ARHGAP39: variants seen among roughly 807,000 people sequenced by gnomAD.
ARHGAP39 encodes the protein Rho GTPase activating protein 39.
In ARHGAP39, 44 loss-of-function variants were observed where a neutral mutation model predicts 106.9. That is an observed-to-expected ratio of 0.41 (90% CI 0.32 to 0.53). The LOEUF (loss-of-function observed/expected upper bound fraction) is 0.53, where lower values mean the gene tolerates loss of function less well. Ranked by LOEUF, ARHGAP39 falls within the 20% of genes least tolerant of loss-of-function variation. The probability of loss-of-function intolerance (pLI) is 0.21; values close to 1 mark genes in which losing one functional copy is unlikely to be tolerated. For missense variants in ARHGAP39, 1,496 were observed against 1,577.3 expected (o/e 0.95, Z 0.87); for synonymous variants, 768 against 693.2 (o/e 1.11, Z -1.69).
intron 4 of ARHGAP39, among the ~76,000 whole-genome samples, chr8:144,550,473 T>C (rs1043670886): frequency 5.9e-5 from 9 of 152,158 alleles, no homozygotes; most frequent in African/African-American, 2.2e-4. Context: ...ACCCCACACA[T>C]TTTATAAGCC....
intron 1 of ARHGAP39, among the ~76,000 whole-genome samples, chr8:144,651,910 C>G (rs940118830): frequency 6.6e-6 from 1 of 151,906 alleles, no homozygotes; most frequent in Non-Finnish European, 1.5e-5. Flanking sequence ...ACACCATATA[C>G]AAAAATCAAC....
intron 3 of ARHGAP39, among the ~76,000 whole-genome samples, chr8:144,563,125 T>C (rs183866019): frequency 1.1e-4 from 16 of 152,340 alleles, no homozygotes; most frequent in Admixed American, 6.5e-4. Context: ...TAAGAATATA[T>C]GTGGATCAGA....
intron 1 of ARHGAP39, among the ~76,000 whole-genome samples, chr8:144,609,309 T>G (rs1319516426): frequency 6.6e-6 from 1 of 151,988 alleles, no homozygotes; most frequent in Non-Finnish European, 1.5e-5. Context: ...TTTAGTTTGG[T>G]AATAGCTGGA....
chr8:144,645,043 C>T lies in ARHGAP39; in HGVS notation c.-81-39348G>A, dbSNP rs1041732286. On this transcript the variant is annotated intron_variant, in intron 1 of 11. Transcript: ENST00000377307. The surrounding 1 kb of genome is among the most constrained non-coding windows in gnomAD (Gnocchi z 4.4). ...GCCACGGCAGAGAGCACATGTCAAC[C>T]GCAGTCCCCGTGTTATCCAGGAGGA... is the stretch of plus-strand genomic sequence containing the variant. Among the ~76,000 whole-genome samples the T allele has an allele frequency of 6.6e-6, 1 of 152,226 alleles. No homozygotes were observed. Among genetic ancestry groups the T allele is most frequent in the Non-Finnish European group, 1.5e-5 (1 of 68,032 alleles).
At chr8:144,579,425 G>A (rs1236028659) in intron 3 of ARHGAP39, among the ~76,000 whole-genome samples, 5 of 152,004 alleles carry the variant, frequency 3.3e-5, no homozygotes, top group Non-Finnish European at 5.9e-5. Flanking sequence ...CTTTGTGCCC[G>A]CCTTCTGCAC....
chr8:144,674,244 G>A lies in ARHGAP39; in HGVS notation c.-82+11442C>T, dbSNP rs892076923. Among the ~76,000 whole-genome samples the A allele has an allele frequency of 3.3e-5, 5 of 152,208 alleles. No homozygotes were observed. The South Asian group carries it at 8.3e-4, about 25-fold the overall frequency. On this transcript the variant is annotated intron_variant, in intron 1 of 11. Transcript: ENST00000377307. ...CACATGTCCAGGTAGAATGAGGTAC[G>A]TGAACAACTGGAGAGTGAGCGAGGT...
In ARHGAP39 at chr8:144,644,233, G is replaced by A. The variant is rs971660223; in HGVS notation, c.-81-38538C>T. Among the ~76,000 whole-genome samples the A allele has an allele frequency of 1.3e-5, 2 of 152,220 alleles. No individual in the cohort carries two copies. The highest frequency in any genetic ancestry group is 4.8e-5 in the African/African-American group (2 of 41,458). On this transcript the variant is annotated intron_variant, in intron 1 of 11. Coordinates refer to ENST00000377307, the MANE Select transcript of ARHGAP39 (RefSeq NM_025251.3). This position sits in a 1 kb window ranked among gnomAD's most constrained non-coding sequence, Gnocchi z 4.8. The stretch of plus-strand genomic sequence containing the variant: ...CAATGCGATGCTTCAGCCATAGAGA[G>A]GGATTGGCTCTAAGGCTAAAAGAGC...
chr8:144,580,404 G>C (rs1818928138), intron 3 of ARHGAP39, among the ~76,000 whole-genome samples: 2 of 152,192 alleles, frequency 1.3e-5, no homozygotes, highest in African/African-American at 4.8e-5. Context: ...CCAGGGGCTG[G>C]GCCAGTGAGG....
At chr8:144,575,422 T>C (rs1473197218) in intron 3 of ARHGAP39, among the ~76,000 whole-genome samples, 1 of 152,242 alleles carries the variant, frequency 6.6e-6, no homozygotes, top group East Asian at 1.9e-4. Context: ...ATATTTTCTT[T>C]CTTTACATTC....
At chr8:144,602,238 CGTGGAGGTGTGTGT>C (rs1820025478) in intron 2 of ARHGAP39, among the ~76,000 whole-genome samples, 1 of 91,920 alleles carries the variant, frequency 1.1e-5, no homozygotes, top group African/African-American at 4.3e-5. Context: ...TGTGCATGTG[CGTGGAGGTGTGTGT>C]GTGAGCTCAT....
At chr8:144,563,815 A>G (rs1027005465) in intron 3 of ARHGAP39, among the ~76,000 whole-genome samples, 1 of 152,012 alleles carries the variant, frequency 6.6e-6, no homozygotes, top group Non-Finnish European at 1.5e-5. Context: ...AAAATAAATA[A>G]ATAAATAAGT....
Position 144,530,818 on chromosome 8 carries a change from C to G in ARHGAP39, c.3034G>C (p.Glu1012Gln), listed in dbSNP as rs1159676416. Residue 1012 changes from glutamate (E) to glutamine (Q), a missense_variant, in exon 11 of 12, where the codon GAG becomes CAG. By Grantham distance (29) the Glu-to-Gln change is conservative (BLOSUM62 2). Transcript: ENST00000377307. The part of the protein sequence containing the change: ...RELEEPLIPH[E>Q]FYEQCIAHYD... The stretch of plus-strand genomic sequence containing the variant: ...TGCGCGATGCACTGCTCGTAGAACT[C>G]GTGCGGGATCAGGGGCTCCTCCAGC... The G allele has an allele frequency of 6.2e-7, 1 of 1,611,812 alleles. No homozygotes were observed. Among genetic ancestry groups the G allele is most frequent in the African/African-American group, 1.3e-5 (1 of 75,032 alleles).
intron 2 of ARHGAP39, among the ~76,000 whole-genome samples, chr8:144,581,858 A>C (rs1415721663): frequency 6.6e-6 from 1 of 152,202 alleles, no homozygotes; most frequent in Non-Finnish European, 1.5e-5. Context: ...CTGGGGGCAC[A>C]GCCTCCAGCT....
At chr8:144,616,012 A>G (rs1441278502) in intron 1 of ARHGAP39, among the ~76,000 whole-genome samples, 1 of 152,098 alleles carries the variant, frequency 6.6e-6, no homozygotes, top group African/African-American at 2.4e-5. Context: ...CCTTTCTGGG[A>G]GGGGGAAAGG....
intron 3 of ARHGAP39, among the ~76,000 whole-genome samples, chr8:144,576,206 G>A (rs773610576): frequency 2.6e-5 from 4 of 151,836 alleles, no homozygotes; most frequent in African/African-American, 4.8e-5. Context: ...GGTGGTGGGC[G>A]CCTGAAGTCC....
intron 1 of ARHGAP39, among the ~76,000 whole-genome samples, chr8:144,678,729 C>T (rs956637094): frequency 1.3e-5 from 2 of 152,208 alleles, no homozygotes; most frequent in African/African-American, 4.8e-5. Context: ...CTTGGCCATC[C>T]CCTCCTAGTT....
chr8:144,612,221 G>A (rs1211707605), intron 1 of ARHGAP39, among the ~76,000 whole-genome samples: 3 of 43,650 alleles, frequency 6.9e-5, no homozygotes, highest in Admixed American at 6.7e-4. Flanking sequence ...AGAGTGAGGT[G>A]AGCCACGGCT....
chr8:144,582,171 C>T (rs1039639270), intron 2 of ARHGAP39, among the ~76,000 whole-genome samples: 2 of 152,200 alleles, frequency 1.3e-5, no homozygotes. Context: ...GAAGGGCCAG[C>T]GGACACCAGG....
intron 1 of ARHGAP39, among the ~76,000 whole-genome samples, chr8:144,673,448 T>A (rs1387281944): frequency 6.6e-6 from 1 of 152,238 alleles, no homozygotes; most frequent in Non-Finnish European, 1.5e-5. Context: ...TTTTAGGTTA[T>A]TTTTAGTATA....
Sources: allele counts gnomAD v4.1 joint callset (sites outside exome capture counted in the v4.1 genomes callset), GRCh38; gene constraint gnomAD v4.1.1; non-coding constraint Gnocchi (gnomAD v3.1); transcripts MANE v1.5; gene names NCBI Gene and HGNC (gene_info 2026-07-23, HGNC 2026-07-21).